Variants in RIMS1 observed in about 807,000 individuals in gnomAD.
The protein encoded by RIMS1 is regulating synaptic membrane exocytosis 1, also known as regulating synaptic membrane exocytosis protein 1.
In RIMS1, 83 loss-of-function variants were observed where a neutral mutation model predicts 214.1. The observed-to-expected ratio is 0.39, with a 90% CI of 0.32 to 0.47. The LOEUF is 0.47. Among genes scored for constraint, RIMS1 ranks in the 20% least tolerant of loss-of-function variants. RIMS1 has a pLI of 0.99. For synonymous variants in RIMS1, 793 were observed against 786.8 expected (o/e 1.01, Z -0.13); for missense variants, 2,050 against 2,161.8 (o/e 0.95, Z 1.03).
intron 2 of RIMS1, among the ~76,000 whole-genome samples, chr6:72,073,598 A>G (rs1417164577): frequency 2.0e-5 from 3 of 152,212 alleles, no homozygotes; most frequent in Admixed American, 1.3e-4. Context: ...GCTTCTCACT[A>G]TTGAAAAATG....
At chr6:72,021,566 C>T (rs1184345402) in intron 2 of RIMS1, among the ~76,000 whole-genome samples, 2 of 152,096 alleles carry the variant, frequency 1.3e-5, no homozygotes, top group African/African-American at 2.4e-5. Context: ...GCCCAGTATA[C>T]CTGGTGCACG....
intron 29 of RIMS1, among the ~76,000 whole-genome samples, chr6:72,378,188 C>T (rs2098423416): frequency 6.6e-6 from 1 of 152,162 alleles, no homozygotes; most frequent in Non-Finnish European, 1.5e-5. Context: ...CCACATCTCT[C>T]CTAGATCAAT....
intron 2 of RIMS1, among the ~76,000 whole-genome samples, chr6:72,044,748 G>A (rs147187684): frequency 1.6e-3 from 245 of 151,964 alleles, no homozygotes; most frequent in African/African-American, 5.6e-3. Flanking sequence ...ATTATCACAG[G>A]TTGATGTTGG....
At chr6:72,152,808 T>G (rs1160911643) in intron 4 of RIMS1, among the ~76,000 whole-genome samples, 3 of 84,674 alleles carry the variant, frequency 3.5e-5, no homozygotes, top group African/African-American at 1.8e-4. Flanking sequence ...TGTATATATA[T>G]GTATATATAT....
chr6:72,343,369 A>ATATGAT (rs2097157326), intron 29 of RIMS1, among the ~76,000 whole-genome samples: 2 of 150,292 alleles, frequency 1.3e-5, no homozygotes, highest in Non-Finnish European at 3.0e-5. Context: ...TTTAGCATGC[A>ATATGAT]TATTATTATT....
chr6:72,065,147 C>T (rs1054710167), intron 2 of RIMS1, among the ~76,000 whole-genome samples: 1 of 152,142 alleles, frequency 6.6e-6, no homozygotes, highest in Non-Finnish European at 1.5e-5. Flanking sequence ...CATGGATTAA[C>T]ATGGAGCAAA....
At chr6:71,891,731 T>A (rs1267107938) in intron 1 of RIMS1, among the ~76,000 whole-genome samples, 1 of 152,210 alleles carries the variant, frequency 6.6e-6, no homozygotes, top group African/African-American at 2.4e-5. Context: ...GTAAATACAT[T>A]ACTAAATTAG....
chr6:71,995,462 G>GTGTGTT (rs1301738421), intron 2 of RIMS1, among the ~76,000 whole-genome samples: 5 of 150,758 alleles, frequency 3.3e-5, no homozygotes, highest in Non-Finnish European at 5.9e-5. Flanking sequence ...GTGTGTGTGT[G>GTGTGTT]TGTGTGTGTG....
chr6:71,996,417 C>T (rs900657525), intron 2 of RIMS1, among the ~76,000 whole-genome samples: 4 of 152,144 alleles, frequency 2.6e-5, no homozygotes, highest in African/African-American at 7.2e-5. Context: ...TCTATACTTT[C>T]ACTATTATGT....
chr6:72,267,570 A>C (rs1351431805), intron 22 of RIMS1, among the ~76,000 whole-genome samples: 2 of 152,138 alleles, frequency 1.3e-5, no homozygotes, highest in Non-Finnish European at 2.9e-5. Flanking sequence ...TTTTTACAGC[A>C]TAATAAGCCA....
chr6:72,354,668 C>T (rs551472743), intron 29 of RIMS1, among the ~76,000 whole-genome samples: 1 of 152,246 alleles, frequency 6.6e-6, no homozygotes, highest in East Asian at 1.9e-4. Context: ...TTTCCTAGTA[C>T]TGTTTTGCTA....
At chr6:72,034,923 T>G (rs559552659) in intron 2 of RIMS1, among the ~76,000 whole-genome samples, 7 of 152,314 alleles carry the variant, frequency 4.6e-5, no homozygotes, top group African/African-American at 1.7e-4. Flanking sequence ...ACAAGAACTT[T>G]GAAATGCTTC....
At chr6:72,239,182 A>G (rs1418277336) in intron 9 of RIMS1, among the ~76,000 whole-genome samples, 1 of 152,172 alleles carries the variant, frequency 6.6e-6, no homozygotes, top group Non-Finnish European at 1.5e-5. Context: ...AACTTTAACT[A>G]CAGAAACCTG....
intron 4 of RIMS1, among the ~76,000 whole-genome samples, chr6:72,109,855 A>G (rs1242438010): frequency 6.6e-6 from 1 of 152,004 alleles, no homozygotes; most frequent in Non-Finnish European, 1.5e-5. Flanking sequence ...TAAGTCTTTA[A>G]TCCATCTTGA....
At chr6:72,284,250 C>T in intron 24 of RIMS1, 132 bp downstream of exon 24, 1 of 617,468 alleles carries the variant, frequency 1.6e-6, no homozygotes, top group Non-Finnish European at 2.8e-6. Context: ...GTAACTAAAC[C>T]TACCCCTAAA....
chr6:72,290,944 C>T, intron 25 of RIMS1, 83 bp downstream of exon 25: 11 of 1,266,744 alleles, frequency 8.7e-6, no homozygotes, highest in Non-Finnish European at 1.2e-5. Flanking sequence ...GCACTTGAAG[C>T]TTTCACTCAT....
Position 72,265,439 on chromosome 6 carries a change from A to G in RIMS1, c.3244A>G (p.Ile1082Val). 1 of 1,610,670 alleles carries G rather than the reference A, an allele frequency of 6.2e-7. No homozygotes were observed. Residue 1082 changes from isoleucine (I) to valine (V), a missense_variant, in exon 21 of 34, where the codon ATT becomes GTT. By Grantham distance (29) the Ile-to-Val change is conservative (BLOSUM62 3). Around this residue, in one of 6 missense-constraint regions of RIMS1, gnomAD observed 889 missense variants for 885.5 expected, o/e 1.00. Transcript: ENST00000521978. The stretch of plus-strand genomic sequence containing the variant: ...GACCAAATCAGTGACTAGACAGGAC[A>G]TTTCCCTTCATCATGAATGCTTTAA... Reference protein sequence around the residue: ...TKTKSVTRQDISLHHECFNST... With the variant: ...TKTKSVTRQDVSLHHECFNST...
At chr6:72,098,967 T>C (rs1165886605) in intron 3 of RIMS1, among the ~76,000 whole-genome samples, 1 of 152,212 alleles carries the variant, frequency 6.6e-6, no homozygotes, top group Non-Finnish European at 1.5e-5. Context: ...TGCTCTTTAA[T>C]ACACTATTTT....
Position 72,265,997 on chromosome 6 carries a change from A to G in RIMS1, c.3346A>G (p.Ser1116Gly), listed in dbSNP as rs762256644. Residue 1116 changes from serine to glycine, a missense_variant, in exon 22 of 34, where the codon AGT becomes GGT. Transcript: ENST00000521978. The part of the protein sequence containing the change: ...QPFLDRARSA[S>G]TNCLRPDTSL... ...CTTTCTTGACAGGGCTAGGAGTGCT[A>G]GTACCAACTGCTTGAGACCAGATAC... 2 of 1,584,812 alleles carry G rather than the reference A, an allele frequency of 1.3e-6. No individual in the cohort carries two copies. Among genetic ancestry groups the G allele is most frequent in the Non-Finnish European group, 1.7e-6 (2 of 1,164,238 alleles).
Sources: allele counts gnomAD v4.1 joint callset (sites outside exome capture counted in the v4.1 genomes callset), GRCh38; gene constraint gnomAD v4.1.1; regional missense constraint gnomAD v4.1.1; transcripts MANE v1.5; gene names NCBI Gene and HGNC (gene_info 2026-07-23, HGNC 2026-07-21).